Variants in PHLPP1 observed in about 807,000 individuals in gnomAD.
PHLPP1 encodes the protein PH domain leucine-rich repeat-containing protein phosphatase 1.
A neutral mutation model predicts 117.2 loss-of-function variants in PHLPP1; 42 were observed. The ratio of observed to expected loss-of-function variants is 0.36; its 90% confidence interval spans 0.28 to 0.46. PHLPP1 has a LOEUF of 0.46. PHLPP1 is among the 20% of genes least tolerant of loss of function. The pLI, the probability that PHLPP1 is intolerant of heterozygous loss-of-function variation, is 1.00. For missense variants in PHLPP1, 2,084 were observed against 2,241.9 expected, an observed-to-expected ratio of 0.93 and a Z score of 1.42; for synonymous variants, 1,042 against 970.7, an observed-to-expected ratio of 1.07 and a Z score of -1.37.
At chr18:62,887,053 C>T (rs1019295359) in intron 4 of PHLPP1, among the ~76,000 whole-genome samples, 1 of 152,158 alleles carries the variant, frequency 6.6e-6, no homozygotes, top group Admixed American at 6.5e-5. Context: ...TCCTCCATTA[C>T]TCATACTGCT....
chr18:62,898,154 C>T (rs1916616695), intron 6 of PHLPP1, among the ~76,000 whole-genome samples: 1 of 152,120 alleles, frequency 6.6e-6, no homozygotes, highest in African/African-American at 2.4e-5. Context: ...TAATCATTCC[C>T]CAGTCTTTCC....
intron 14 of PHLPP1, among the ~76,000 whole-genome samples, chr18:62,968,794 A>G (rs1359020905): frequency 6.6e-6 from 1 of 151,994 alleles, no homozygotes; most frequent in Admixed American, 6.6e-5. Context: ...TCAGCCTCCC[A>G]AAGTGCTGGG....
chr18:62,805,639 G>A (rs189124123), intron 1 of PHLPP1, among the ~76,000 whole-genome samples: 277 of 152,240 alleles, frequency 1.8e-3, no homozygotes, highest in African/African-American at 6.5e-3. Flanking sequence ...GGGATTATAG[G>A]TATAAGCCAC....
intron 10 of PHLPP1, among the ~76,000 whole-genome samples, chr18:62,931,758 G>A (rs549777137): frequency 6.6e-6 from 1 of 151,954 alleles, no homozygotes; most frequent in South Asian, 2.1e-4. Flanking sequence ...AGCTGGGCAT[G>A]GTGGCACATG....
chr18:62,977,884 G>A (rs1177334231), intron 16 of PHLPP1, among the ~76,000 whole-genome samples: 1 of 152,222 alleles, frequency 6.6e-6, no homozygotes, highest in Non-Finnish European at 1.5e-5. Context: ...TGTTCACCAA[G>A]GGAGGGAAGA....
chr18:62,861,014 A>C (rs1333092809), intron 4 of PHLPP1, among the ~76,000 whole-genome samples: 2 of 152,220 alleles, frequency 1.3e-5, no homozygotes, highest in Non-Finnish European at 2.9e-5. Context: ...TTCCTTAGAA[A>C]TTTAAGAACC....
intron 15 of PHLPP1, 134 bp downstream of exon 15, chr18:62,972,842 G>T: frequency 1.5e-6 from 1 of 683,628 alleles, no homozygotes. Context: ...ATGCATTCAG[G>T]CAAGTTTGGT....
intron 4 of PHLPP1, among the ~76,000 whole-genome samples, chr18:62,891,707 T>G (rs1442857262): frequency 2.9e-5 from 4 of 135,596 alleles, no homozygotes; most frequent in Non-Finnish European, 1.6e-5. Flanking sequence ...CTGGGCAAAA[T>G]GGCAAAACTT....
chr18:62,734,418 C>G (rs1911311810), intron 1 of PHLPP1, among the ~76,000 whole-genome samples: 1 of 152,150 alleles, frequency 6.6e-6, no homozygotes, highest in Non-Finnish European at 1.5e-5. Context: ...CTTATTAGCT[C>G]TTTTATCCAT....
chr18:62,870,973 C>T (rs561125244), intron 4 of PHLPP1, among the ~76,000 whole-genome samples: 316 of 152,144 alleles, frequency 2.1e-3, no homozygotes, highest in African/African-American at 7.3e-3. Flanking sequence ...GGTTTCTTTC[C>T]TTATTATATG....
intron 1 of PHLPP1, among the ~76,000 whole-genome samples, chr18:62,813,577 C>T (rs1394698636): frequency 6.6e-6 from 1 of 152,176 alleles, no homozygotes; most frequent in Non-Finnish European, 1.5e-5. Context: ...TGATGATCCA[C>T]CAGGTCAAGT....
At chr18:62,965,516 A>G (rs999751061) in intron 14 of PHLPP1, among the ~76,000 whole-genome samples, 1 of 143,406 alleles carries the variant, frequency 7.0e-6, no homozygotes, top group Non-Finnish European at 1.5e-5. Context: ...CCGGAGTGCA[A>G]TGGCGCAATC....
At chr18:62,766,076 A>AAAAAAATATATATATAT in intron 1 of PHLPP1, among the ~76,000 whole-genome samples, 11 of 21,654 alleles carry the variant, frequency 5.1e-4, no homozygotes, top group Non-Finnish European at 6.8e-4. Flanking sequence ...AAAAAAAAAA[A>AAAAAAATATATATATAT]ATATATATAT....
chr18:62,904,880 A>G (rs2144408839), intron 7 of PHLPP1, among the ~76,000 whole-genome samples: 2 of 152,338 alleles, frequency 1.3e-5, no homozygotes, highest in South Asian at 4.1e-4. Flanking sequence ...AAGAAGCATT[A>G]CTTGGTTTTA....
At chr18:62,968,630 T>C (rs1255690565) in intron 14 of PHLPP1, among the ~76,000 whole-genome samples, 2 of 148,882 alleles carry the variant, frequency 1.3e-5, no homozygotes, top group Non-Finnish European at 3.0e-5. Context: ...CTTTCCCTTC[T>C]GGGTTCACGC....
intron 1 of PHLPP1, among the ~76,000 whole-genome samples, chr18:62,741,210 G>T (rs59277369): frequency 0.14 from 21,046 of 152,124 alleles, 3,280 homozygotes; most frequent in African/African-American, 0.39. Flanking sequence ...GATTTTATAG[G>T]CCCTGGTGGA....
intron 4 of PHLPP1, among the ~76,000 whole-genome samples, chr18:62,865,067 T>C (rs1915736323): frequency 6.6e-6 from 1 of 152,226 alleles, no homozygotes; most frequent in Non-Finnish European, 1.5e-5. Flanking sequence ...CTCAGTCCTA[T>C]AATCCCAACA....
chr18:62,878,377 C>G (rs1916097733), intron 4 of PHLPP1, among the ~76,000 whole-genome samples: 1 of 152,212 alleles, frequency 6.6e-6, no homozygotes, highest in African/African-American at 2.4e-5. Flanking sequence ...TCTCCTCCCT[C>G]TCTCTGCTAC....
chr18:62,904,175 T>A (rs971911334), intron 7 of PHLPP1, among the ~76,000 whole-genome samples: 1 of 152,244 alleles, frequency 6.6e-6, no homozygotes, highest in African/African-American at 2.4e-5. Context: ...TGAAGGGTTA[T>A]AGGATTTAGA....
Sources: gnomAD v4.1 joint callset for allele counts (sites outside exome capture counted in the v4.1 genomes callset) on GRCh38, gnomAD v4.1.1 for gene constraint, MANE v1.5 for transcripts, NCBI Gene and HGNC (gene_info 2026-07-23, HGNC 2026-07-21) for gene names.